IGF2: variants seen among roughly 807,000 people sequenced by gnomAD.
IGF2 encodes the protein insulin like growth factor 2, also known as insulin-like growth factor 2.
Under a neutral mutation model 12.0 loss-of-function variants are expected in IGF2, and 2 were observed. The ratio of observed to expected loss-of-function variants is 0.17; its 90% confidence interval spans 0.07 to 0.52. IGF2 has a LOEUF of 0.52. Among genes scored for constraint, IGF2 ranks in the 20% least tolerant of loss-of-function variants. The pLI, the probability that IGF2 is intolerant of heterozygous loss-of-function variation, is 0.95. For missense variants in IGF2, 211 were observed against 268.0 expected, an observed-to-expected ratio of 0.79 and a Z score of 1.48; for synonymous variants, 105 against 110.1, an observed-to-expected ratio of 0.95 and a Z score of 0.29.
At chr11:2,146,244 G>C in the IGF2 span, 38 of 531,866 alleles carry the variant, frequency 7.1e-5, no homozygotes, top group Non-Finnish European at 1.3e-4. Flanking sequence ...TTCCTCCCCA[G>C]CTCTGGCTCT....
At chr11:2,140,689 C>A (rs909736826), upstream of IGF2, 2 of 457,074 alleles carry the variant, frequency 4.4e-6, no homozygotes, top group Non-Finnish European at 8.4e-6. Flanking sequence ...CCAGCAGGAG[C>A]GAGCGCAGCC....
chr11:2,149,427 G>A, the IGF2 span: 1 of 1,198,216 alleles, frequency 8.3e-7, no homozygotes, highest in Admixed American at 1.8e-5. Flanking sequence ...CGCTGAGCAT[G>A]GCACCTGCTC....
chr11:2,149,060 C>T, the IGF2 span: 1 of 1,463,178 alleles, frequency 6.8e-7, no homozygotes, highest in South Asian at 1.2e-5. Flanking sequence ...AGCTCCCGGC[C>T]CACCCACGCC....
chr11:2,138,461 T>G lies in IGF2; in HGVS notation c.-239A>C. 1 of 872,224 alleles carries G rather than the reference T, an allele frequency of 1.1e-6. No homozygotes were observed. Among genetic ancestry groups the G allele is most frequent in the Non-Finnish European group, 1.4e-6 (1 of 740,662 alleles). 54.0% of individuals were successfully genotyped at this position (872,224 alleles called of 1,614,324 possible). The stretch of plus-strand genomic sequence containing the variant: ...CTTCGGGCTGGGGCGGGCCAGATGT[T>G]GTACTTTTCGGGGGGGAAAAGGTAT... On this transcript the variant is annotated 5_prime_UTR_variant, in exon 1 of 4. Coordinates refer to ENST00000416167, the MANE Select transcript of IGF2 (RefSeq NM_000612.6).
chr11:2,140,237 C>T, upstream of IGF2: 1 of 1,613,260 alleles, frequency 6.2e-7, no homozygotes, highest in African/African-American at 1.3e-5. Context: ...GTTGGACTTG[C>T]ATAGACGCGA....
chr11:2,134,627 G>A (rs868586793), intron 2 of IGF2, among the ~76,000 whole-genome samples: 1 of 152,182 alleles, frequency 6.6e-6, no homozygotes, highest in African/African-American at 2.4e-5. Context: ...TAAGCCGTGC[G>A]GCCTCTGCCA....
chr11:2,138,246 T>G lies in IGF2; in HGVS notation c.-24A>C. 1 of 985,108 alleles carries G rather than the reference T, an allele frequency of 1.0e-6. No homozygotes were observed. The allele number at this position is 985,108 out of a possible 1,614,324, so 61.0% of individuals were successfully genotyped here. On this transcript the variant is annotated 5_prime_UTR_variant, in exon 1 of 4. Coordinates refer to ENST00000416167, the MANE Select transcript of IGF2 (RefSeq NM_000612.6). ...CCGCTTACCTGGAAGCCGGCGACGC[T>G]GCCGCCCACCTCCCTGCTGCGTGTC...
At chr11:2,140,682 G>C (rs1859516439), upstream of IGF2, 1 of 467,316 alleles carries the variant, frequency 2.1e-6, no homozygotes. Flanking sequence ...GGGGCGCCCA[G>C]CAGGAGCGAG....
upstream of IGF2, among the ~76,000 whole-genome samples, chr11:2,144,661 T>C (rs1859805859): frequency 1.3e-5 from 2 of 151,476 alleles, no homozygotes; most frequent in Admixed American, 1.3e-4. Context: ...AGGCAAATAT[T>C]AAACCCGCAT....
chr11:2,140,080 G>T (rs1219988718), upstream of IGF2: 2 of 1,570,146 alleles, frequency 1.3e-6, no homozygotes, highest in Non-Finnish European at 1.7e-6. Flanking sequence ...GCCTACGGAG[G>T]CTCCGGCCGC....
rs1283836758 is a variant in IGF2, at chr11:2,138,705, G to C, written c.-483C>G. 1.7e-4 allele frequency: 132 copies of C among 768,794 alleles called. No homozygotes were observed. The highest frequency in any genetic ancestry group is 4.1e-4 in the East Asian group (3 of 7,264). The allele number at this position is 768,794 out of a possible 1,614,324, so 47.6% of individuals were successfully genotyped here. On this transcript the variant is annotated 5_prime_UTR_variant, in exon 1 of 4. Transcript: ENST00000416167. ...GCGAAGGCGAGAGGGCGGGCGTGAGGGGGGGAGGGAGTCGGAGGCTAGGAG... is the reference window on the plus strand; with the variant it reads ...GCGAAGGCGAGAGGGCGGGCGTGAGCGGGGGAGGGAGTCGGAGGCTAGGAG...
In IGF2 at chr11:2,132,815, G is replaced by A; in HGVS notation, c.*172C>T. 1.7e-6 allele frequency: 1 copy of A among 578,994 alleles called. No homozygotes were observed. The highest frequency in any genetic ancestry group is 2.9e-5 in the East Asian group (1 of 34,210). 35.9% of individuals were successfully genotyped at this position (578,994 alleles called of 1,614,324 possible). ...GTGCTTCCTCAGCCCGATGGAGGGGGCCGAGGAGAGTAGCCTGTTTCGGGG... is the reference window on the plus strand; with the variant it reads ...GTGCTTCCTCAGCCCGATGGAGGGGACCGAGGAGAGTAGCCTGTTTCGGGG... On this transcript the variant is annotated 3_prime_UTR_variant, in exon 4 of 4. Coordinates refer to ENST00000416167, the MANE Select transcript of IGF2 (RefSeq NM_000612.6).
At position 2,138,194 on chromosome 11, in the gene IGF2, C is replaced by CCCCGGCCCCGG. The variant is rs1415372043; in HGVS notation, c.-7+24_-7+34dup. The CCCCGGCCCCGG allele has an allele frequency of 2.6e-5, 26 of 982,526 alleles. No individual in the cohort carries two copies. The East Asian group carries it at 2.7e-3, about 104-fold the overall frequency. The allele number at this position is 982,526 out of a possible 1,614,324, so 60.9% of individuals were successfully genotyped here. A position where few individuals can be genotyped will look rare whatever the true frequency, so the allele number is the denominator to read the frequency against. On this transcript the variant is annotated intron_variant, in intron 1 of 3. Coordinates refer to ENST00000416167, the MANE Select transcript of IGF2 (RefSeq NM_000612.6). Reference sequence around the variant, plus strand: ...CCGGCGCAAGCCCGCGCCGCCCCAGCCCCGGCCCCGGCCCGGCCCGCACAC... The same window carrying CCCCGGCCCCGG: ...CCGGCGCAAGCCCGCGCCGCCCCAGCCCCGGCCCCGGCCCGGCCCCGGCCCGGCCCGCACAC...
chr11:2,133,341 C>G lies in IGF2; in HGVS notation c.307-118G>C, dbSNP rs552324804. On this transcript the variant is annotated intron_variant, in intron 3 of 3. Transcript: ENST00000416167. This position sits in a 1 kb window ranked among gnomAD's most constrained non-coding sequence, Gnocchi z 8.9. ...GATCAGTGACTTGAGCTAATGTCCA[C>G]GGGCAGAGGGACAGAAGGAGCCAGC... 183 of 1,003,000 alleles carry G rather than the reference C, an allele frequency of 1.8e-4. No homozygotes were observed. Among genetic ancestry groups the G allele is most frequent in the Non-Finnish European group, 2.2e-4 (149 of 692,078 alleles). The allele number at this position is 1,003,000 out of a possible 1,614,324, so 62.1% of individuals were successfully genotyped here. A position where few individuals can be genotyped will look rare whatever the true frequency, so the allele number is the denominator to read the frequency against.
chr11:2,145,032 G>A (rs1033578495), upstream of IGF2, among the ~76,000 whole-genome samples: 2 of 152,004 alleles, frequency 1.3e-5, no homozygotes, highest in East Asian at 3.9e-4. Flanking sequence ...ATGAAAAACA[G>A]CCCATTTTCC....
rs1292995776 is a variant in IGF2, at chr11:2,138,419, C to T, written c.-197G>A. The T allele has an allele frequency of 1.3e-6, 1 of 759,054 alleles. No individual in the cohort carries two copies. Among genetic ancestry groups the T allele is most frequent in the Non-Finnish European group, 1.6e-6 (1 of 630,826 alleles). 47.0% of individuals were successfully genotyped at this position (759,054 alleles called of 1,614,324 possible). On this transcript the variant is annotated 5_prime_UTR_variant, in exon 1 of 4. Coordinates refer to ENST00000416167, the MANE Select transcript of IGF2 (RefSeq NM_000612.6). ...GGGGGGGAGAATTCGTCTGATTGTC[C>T]AGGGAGGACGGGCTGTCTTCGGGCT...
Position 2,129,409 on chromosome 11 carries a change from C to A in IGF2, c.*3578G>T. The A allele has an allele frequency of 4.4e-6, 1 of 229,744 alleles. No individual in the cohort carries two copies. The highest frequency in any genetic ancestry group is 8.6e-6 in the Non-Finnish European group (1 of 115,762). 14.2% of individuals were successfully genotyped at this position (229,744 alleles called of 1,614,324 possible). ...TAGGCACGGAGGTCAGACAGGCAGC[C>A]CGGGCCAGGATGGTTAGTGGCCCAG... On this transcript the variant is annotated 3_prime_UTR_variant, in exon 4 of 4. Transcript: ENST00000416167. This position sits in a 1 kb window ranked among gnomAD's most constrained non-coding sequence, Gnocchi z 8.1.
the IGF2 span, chr11:2,146,917 C>T: frequency 6.3e-6 from 1 of 158,058 alleles, no homozygotes; most frequent in African/African-American, 2.4e-5. Context: ...TTTCTAGCCA[C>T]CTTTCACCCC....
the IGF2 span, chr11:2,146,396 C>T: frequency 2.1e-3 from 1,131 of 534,624 alleles, 9 homozygotes; most frequent in African/African-American, 0.016. Context: ...TCACTCCCCT[C>T]GCTGGGGAAG....
Sources: allele counts gnomAD v4.1 joint callset (sites outside exome capture counted in the v4.1 genomes callset), GRCh38; gene constraint gnomAD v4.1.1; non-coding constraint Gnocchi (gnomAD v3.1); transcripts MANE v1.5; gene names NCBI Gene and HGNC (gene_info 2026-07-23, HGNC 2026-07-21).